The following SUMF1 variants were observed in gnomAD, a reference collection of about 807,000 sequenced individuals.
SUMF1 encodes the protein formylglycine-generating enzyme.
In SUMF1, 48 loss-of-function variants were observed where a neutral mutation model predicts 47.6. That is an observed-to-expected ratio of 1.01 (90% confidence interval 0.80 to 1.28). SUMF1 has a LOEUF of 1.28. Among genes scored for constraint, SUMF1 ranks in the 50% most tolerant of loss-of-function variants. SUMF1 has a pLI of 0.00. For missense variants in SUMF1, 571 were observed against 485.4 expected, an observed-to-expected ratio of 1.18 and a Z score of -1.66; for synonymous variants, 230 against 192.1, an observed-to-expected ratio of 1.20 and a Z score of -1.63.
chr3:4,214,166 A>C (rs755093411), intron 8 of SUMF1, among the ~76,000 whole-genome samples: 1 of 152,050 alleles, frequency 6.6e-6, no homozygotes, highest in African/African-American at 2.4e-5. Flanking sequence ...GAAGGAAAAC[A>C]CTCCTCAGCA....
chr3:4,126,507 C>T (rs1693657920), intron 8 of SUMF1, among the ~76,000 whole-genome samples: 1 of 152,086 alleles, frequency 6.6e-6, no homozygotes, highest in South Asian at 2.1e-4. Context: ...CTACTAGACT[C>T]ACTACATTCA....
At chr3:4,169,059 ATTG>A (rs1694773975) in intron 8 of SUMF1, among the ~76,000 whole-genome samples, 1 of 152,170 alleles carries the variant, frequency 6.6e-6, no homozygotes, top group South Asian at 2.1e-4. Context: ...GAAAACTGTA[ATTG>A]TTGTCTCTTT....
At chr3:4,465,460 A>G (rs1294303014) in intron 1 of SUMF1, among the ~76,000 whole-genome samples, 6 of 151,926 alleles carry the variant, frequency 3.9e-5, no homozygotes. Flanking sequence ...GCCTGGTGAC[A>G]GAGCGAGACT....
At chr3:4,346,656 G>A (rs1000043696) in intron 8 of SUMF1, among the ~76,000 whole-genome samples, 3 of 151,778 alleles carry the variant, frequency 2.0e-5, no homozygotes, top group African/African-American at 7.3e-5. Context: ...AAAACCAGCA[G>A]AAGACAAGAA....
chr3:4,176,044 G>A lies in SUMF1; in HGVS notation c.1015-107299C>T, dbSNP rs919405108. On this transcript the variant is annotated intron_variant and NMD_transcript_variant, in intron 8 of 12. Transcript: ENST00000448413. Reference sequence around the variant, plus strand: ...CAAGAAATATGGGACTATGTGAAAAGACCAAATCTACATTTGATTGTTGTA... The same window carrying A: ...CAAGAAATATGGGACTATGTGAAAAAACCAAATCTACATTTGATTGTTGTA... 9.6e-4 allele frequency among the ~76,000 whole-genome samples: 146 copies of A among 152,294 alleles called. 2 individuals are homozygous for A. Among genetic ancestry groups the A allele is most frequent in the African/African-American group, 3.2e-3 (135 of 41,556 alleles).
At chr3:4,111,389 C>T (rs148884281) in intron 8 of SUMF1, among the ~76,000 whole-genome samples, 32 of 152,118 alleles carry the variant, frequency 2.1e-4, no homozygotes, top group African/African-American at 7.5e-4. Context: ...TATCAGACTA[C>T]ATCATTCCTT....
chr3:4,421,089 T>C (rs1449380247), intron 3 of SUMF1, among the ~76,000 whole-genome samples: 2 of 152,190 alleles, frequency 1.3e-5, no homozygotes, highest in Non-Finnish European at 2.9e-5. Context: ...TCCTACTTTA[T>C]GGTTCTGTTA....
At chr3:4,168,873 A>T (rs183397141) in intron 8 of SUMF1, among the ~76,000 whole-genome samples, 16 of 152,324 alleles carry the variant, frequency 1.1e-4, no homozygotes, top group African/African-American at 3.8e-4. Context: ...AATGAATATC[A>T]ATTTCCATCT....
chr3:4,132,781 C>G (rs1693822897), intron 8 of SUMF1, among the ~76,000 whole-genome samples: 1 of 152,110 alleles, frequency 6.6e-6, no homozygotes, highest in South Asian at 2.1e-4. Context: ...GTGACTGACA[C>G]AGACTATCAA....
chr3:4,453,331 C>T (rs1440601520), intron 1 of SUMF1, among the ~76,000 whole-genome samples: 2 of 152,118 alleles, frequency 1.3e-5, no homozygotes, highest in Admixed American at 6.5e-5. Flanking sequence ...GTCACCAAGC[C>T]GCTAACGGCT....
At chr3:4,275,790 T>G (rs1697402133) in intron 8 of SUMF1, among the ~76,000 whole-genome samples, 1 of 152,162 alleles carries the variant, frequency 6.6e-6, no homozygotes, top group African/African-American at 2.4e-5. Context: ...AAGGACACTA[T>G]TGCTGAAGTC....
At chr3:4,348,867 C>T (rs904767586) in intron 8 of SUMF1, among the ~76,000 whole-genome samples, 1 of 152,096 alleles carries the variant, frequency 6.6e-6, no homozygotes, top group African/African-American at 2.4e-5. Flanking sequence ...AAGAGCGAAG[C>T]GCCGTCTCAA....
intron 7 of SUMF1, among the ~76,000 whole-genome samples, chr3:4,382,597 T>A (rs1575157247): frequency 1.3e-5 from 2 of 152,166 alleles, no homozygotes; most frequent in Admixed American, 6.5e-5. Context: ...TATAAATCAT[T>A]CTGCTATAAA....
chr3:4,317,581 T>TAA (rs1698715342), intron 8 of SUMF1: 1 of 167,362 alleles, frequency 6.0e-6, no homozygotes, highest in Admixed American at 5.9e-5. Flanking sequence ...GGCCCAAGAA[T>TAA]AATAACGATC....
chr3:4,303,340 C>A (rs761595880), intron 8 of SUMF1: 1 of 1,519,432 alleles, frequency 6.6e-7, no homozygotes, highest in South Asian at 1.3e-5. Context: ...CCAGGACTGT[C>A]AGGGTAGTGG....
At chr3:4,416,916 T>G (rs953449711) in intron 6 of SUMF1, among the ~76,000 whole-genome samples, 1 of 152,186 alleles carries the variant, frequency 6.6e-6, no homozygotes, top group African/African-American at 2.4e-5. Flanking sequence ...TTCCAAATAA[T>G]CTACAGTAAG....
At chr3:4,179,226 A>G (rs1235884482) in intron 8 of SUMF1, among the ~76,000 whole-genome samples, 1 of 152,182 alleles carries the variant, frequency 6.6e-6, no homozygotes, top group Non-Finnish European at 1.5e-5. Context: ...CCAAATTGCC[A>G]AGACAAGCCT....
chr3:4,099,032 T>C (rs1378824401), intron 8 of SUMF1, among the ~76,000 whole-genome samples: 1 of 152,086 alleles, frequency 6.6e-6, no homozygotes, highest in Non-Finnish European at 1.5e-5. Flanking sequence ...CTGCAGTCCT[T>C]AACAAGGCAA....
chr3:4,312,061 A>G (rs1175939066), intron 8 of SUMF1, among the ~76,000 whole-genome samples: 1 of 152,190 alleles, frequency 6.6e-6, no homozygotes, highest in Non-Finnish European at 1.5e-5. Flanking sequence ...GATTTTTTTC[A>G]TATTCCTTTC....
Sources: allele counts gnomAD v4.1 joint callset (sites outside exome capture counted in the v4.1 genomes callset), GRCh38; gene constraint gnomAD v4.1.1; transcripts MANE v1.5; gene names NCBI Gene and HGNC (gene_info 2026-07-23, HGNC 2026-07-21).